Variants in CYP2A7 observed in about 807,000 individuals in gnomAD.
The protein encoded by CYP2A7 is cytochrome P450 2A7.
CYP2A7 carries 36 observed loss-of-function variants against 42.0 expected under a neutral mutation model. The ratio of observed to expected loss-of-function variants is 0.86; its 90% CI spans 0.66 to 1.13. CYP2A7 has a LOEUF of 1.13. Ranked by LOEUF, CYP2A7 falls within the 50% of genes most tolerant of loss-of-function variation. CYP2A7 has a pLI of 0.00. For synonymous variants in CYP2A7, 260 were observed against 249.5 expected (o/e 1.04, Z -0.40); for missense variants, 661 against 634.1 (o/e 1.04, Z -0.46).
intron 4 of CYP2A7, among the ~76,000 whole-genome samples, chr19:40,879,141 G>T (rs1967601957): frequency 1.3e-5 from 2 of 151,874 alleles, no homozygotes; most frequent in Admixed American, 1.3e-4. Flanking sequence ...AGTAATTTAG[G>T]TGAGAAGAAC....
At chr19:40,877,445 G>C (rs900480426) in intron 6 of CYP2A7, 68 bp from the exon 7 acceptor site, 4 of 1,577,470 alleles carry the variant, frequency 2.5e-6, no homozygotes, top group African/African-American at 2.7e-5. Flanking sequence ...AGTCTGAATA[G>C]GTAAAACGGG....
At chr19:40,881,857 G>T (rs1172403243) in intron 1 of CYP2A7, 106 bp from the exon 2 acceptor site, 7 of 1,535,152 alleles carry the variant, frequency 4.6e-6, no homozygotes, top group Middle Eastern at 1.9e-4. Flanking sequence ...GGTTCTCACA[G>T]TCAGGGAGCT....
At position 40,875,541 on chromosome 19, in the gene CYP2A7, C is replaced by G; in HGVS notation, c.*152G>C. ...AAGCACCTTATCAAGGTGAACTGAG[C>G]CGCTTCTGTTTCTTCTCTTCCCTCT... On this transcript the variant is annotated 3_prime_UTR_variant, in exon 9 of 9. Coordinates refer to ENST00000301146, the MANE Select transcript of CYP2A7 (RefSeq NM_000764.3). The G allele has an allele frequency of 9.1e-7, 1 of 1,093,756 alleles. No individual in the cohort carries two copies. Among genetic ancestry groups the G allele is most frequent in the Non-Finnish European group, 1.3e-6 (1 of 769,106 alleles). The allele number at this position is 1,093,756 out of a possible 1,614,324, so 67.8% of individuals were successfully genotyped here.
chr19:40,879,585 G>C (rs765051272), intron 4 of CYP2A7, among the ~76,000 whole-genome samples: 13 of 151,636 alleles, frequency 8.6e-5, no homozygotes, highest in African/African-American at 9.7e-5. Flanking sequence ...GGTTAGGGCA[G>C]CTGTCCATGT....
chr19:40,881,826 T>A, intron 1 of CYP2A7, 75 bp from the exon 2 acceptor site: 1 of 1,578,102 alleles, frequency 6.3e-7, no homozygotes, highest in Non-Finnish European at 8.6e-7. Context: ...AGATGTCAAG[T>A]ACTGGGATCC....
At position 40,878,754 on chromosome 19, in the gene CYP2A7, G is replaced by T. The variant is rs575296850; in HGVS notation, c.831+6C>A. 3.8e-5 allele frequency: 62 copies of T among 1,611,364 alleles called. 2 individuals are homozygous for T. The highest frequency in any genetic ancestry group is 5.3e-5 in the Non-Finnish European group (62 of 1,178,246). On this transcript the variant is annotated splice_donor_region_variant and intron_variant, in intron 5 of 8. Transcript: ENST00000301146. ...GCACCTCCCCGCACTGGCTGCTGGG[G>T]TGTACCTCCTGCATGTGGATGAGAA...
rs1463164860 is a variant in CYP2A7, at chr19:40,877,939, A to G, written c.886T>C (p.Leu296=). Residue 296 remains leucine, a synonymous_variant, in exon 6 of 9, where the codon TTG becomes CTG. Transcript: ENST00000301146. ...FYLKNLMMST[L]NLFIAGTETV... ...TCGGTGCCTGCAATGAAGAGGTTCA[A>G]CGTGCTCATCATCAGGTTCTTCAAG... 3.1e-6 allele frequency: 5 copies of G among 1,612,308 alleles called. No homozygotes were observed. The highest frequency in any genetic ancestry group is 3.3e-5 in the Admixed American group (2 of 59,762).
chr19:40,880,401 C>G, intron 3 of CYP2A7, 78 bp downstream of exon 3: 2 of 1,570,446 alleles, frequency 1.3e-6, no homozygotes, highest in South Asian at 1.2e-5. Context: ...AGTCCCCATC[C>G]GCAGGCAGAA....
At position 40,875,513 on chromosome 19, in the gene CYP2A7, C is replaced by G. The variant is rs947323167; in HGVS notation, c.*180G>C. 5.8e-6 allele frequency: 4 copies of G among 693,908 alleles called. No individual in the cohort carries two copies. The Admixed American group carries it at 8.8e-5, about 15-fold the overall frequency. 43.0% of individuals were successfully genotyped at this position (693,908 alleles called of 1,614,324 possible). A position where few individuals can be genotyped will look rare whatever the true frequency, so the allele number is the denominator to read the frequency against. ...GGTTTCCCTTCCTCTCATCCCAGCT[C>G]GGAAGCACCTTATCAAGGTGAACTG... On this transcript the variant is annotated 3_prime_UTR_variant, in exon 9 of 9. Transcript: ENST00000301146.
intron 8 of CYP2A7, among the ~76,000 whole-genome samples, 170 bp from the exon 9 acceptor site, chr19:40,876,044 A>G (rs1281276832): frequency 6.6e-6 from 1 of 151,814 alleles, no homozygotes; most frequent in Non-Finnish European, 1.5e-5. Context: ...TCTTTCTACA[A>G]GAGATGTAAC....
chr19:40,881,908 T>G lies in CYP2A7; in HGVS notation c.180+123A>C, dbSNP rs534927309. On this transcript the variant is annotated intron_variant, in intron 1 of 8. Transcript: ENST00000301146. Reference sequence around the variant, plus strand: ...CTGTCTTTCCTGGCTAGGACCCGGATGCTGAAACTCCAAAACTCCCTTTCC... The same window carrying G: ...CTGTCTTTCCTGGCTAGGACCCGGAGGCTGAAACTCCAAAACTCCCTTTCC... 132 of 1,502,498 alleles carry G rather than the reference T, an allele frequency of 8.8e-5. No individual in the cohort carries two copies. In the African/African-American group the frequency reaches 1.6e-3, roughly 18 times the overall value. 93.1% of individuals were successfully genotyped at this position (1,502,498 alleles called of 1,614,324 possible).
rs1056294372 is a variant in CYP2A7 at position 40,878,873 on chromosome 19, A to G, written c.718T>C (p.Leu240=). 5 of 1,610,694 alleles carry G rather than the reference A, an allele frequency of 3.1e-6. No individual in the cohort carries two copies. The African/African-American group carries it at 5.3e-5, about 17-fold the overall frequency. ...ATGAAGTCCTCCAGCCCTTGCAGCA[A>G]CTTAAAGGCCTGTTGCTGTGGTCCT... ...LPGPQQQAFK[L]LQGLEDFIAK... Residue 240 remains leucine, a synonymous_variant, in exon 5 of 9, where the codon TTG becomes CTG. Transcript: ENST00000301146.
intron 2 of CYP2A7, among the ~76,000 whole-genome samples, 180 bp from the exon 3 acceptor site, chr19:40,880,808 A>G (rs1412158737): frequency 0.05 from 273 of 5,448 alleles, 8 homozygotes; most frequent in Non-Finnish European, 0.078. Context: ...GGAGAGAGAG[A>G]GAGAGAGAGA....
chr19:40,881,464 G>C (rs1442040059), intron 2 of CYP2A7, 125 bp downstream of exon 2: 1 of 1,507,346 alleles, frequency 6.6e-7, no homozygotes, highest in Admixed American at 2.0e-5. Context: ...GGGAGATGGG[G>C]AGATAAGACC....
At chr19:40,880,699 G>A in intron 2 of CYP2A7, 71 bp from the exon 3 acceptor site, 1 of 1,527,466 alleles carries the variant, frequency 6.5e-7, no homozygotes, top group Admixed American at 1.9e-5. Context: ...AGTTCCAAGG[G>A]GCTCCCCAAG....
chr19:40,879,046 G>A (rs1967600357), intron 4 of CYP2A7, 110 bp from the exon 5 acceptor site: 2 of 1,459,020 alleles, frequency 1.4e-6, no homozygotes, highest in Admixed American at 2.3e-5. Flanking sequence ...AAAGGCATCT[G>A]TCTCATTGTT....
Position 40,881,765 on chromosome 19 carries a change from G to A in CYP2A7, c.181-14C>T, listed in dbSNP as rs1448815149. ...GCACTCACTGAACTGATGGAGGCGA[G>A]TGGGAGTGGTTAGAGGGAGCAGCCC... On this transcript the variant is annotated splice_polypyrimidine_tract_variant and intron_variant, in intron 1 of 8. Coordinates refer to ENST00000301146, the MANE Select transcript of CYP2A7 (RefSeq NM_000764.3). The A allele has an allele frequency of 6.3e-7, 1 of 1,596,096 alleles. No individual in the cohort carries two copies. Among genetic ancestry groups the A allele is most frequent in the South Asian group, 1.1e-5 (1 of 88,160 alleles).
chr19:40,880,672 G>A lies in CYP2A7; in HGVS notation c.344-44C>T, dbSNP rs376410828. The stretch of plus-strand genomic sequence containing the variant: ...GGGTGGAGAGAGGTCAGGGGGCGGC[G>A]GTGGCAGGAGCGGACCAGTTCCAAG... On this transcript the variant is annotated intron_variant, in intron 2 of 8. Transcript: ENST00000301146. 32 of 1,581,888 alleles carry A rather than the reference G, an allele frequency of 2.0e-5. 2 individuals carry two copies. In the African/African-American group the frequency reaches 3.9e-4, roughly 19 times the overall value.
rs186027879 is a variant in CYP2A7 at position 40,876,907 on chromosome 19, G to T, written c.1162-239C>A. ...AGGTTGTTTGGGGGACCTGAAATTT[G>T]TGTCCCTAAGACAAAAGGCCTAATG... is the stretch of plus-strand genomic sequence containing the variant. On this transcript the variant is annotated intron_variant, in intron 7 of 8. Transcript: ENST00000301146. Among the ~76,000 whole-genome samples, 764 of 151,718 alleles carry T rather than the reference G, an allele frequency of 5.0e-3. 12 individuals carry two copies. The highest frequency in any genetic ancestry group is 0.018 in the African/African-American group (732 of 41,484).
Sources: gnomAD v4.1 joint callset for allele counts (sites outside exome capture counted in the v4.1 genomes callset) on GRCh38, gnomAD v4.1.1 for gene constraint, MANE v1.5 for transcripts, NCBI Gene and HGNC (gene_info 2026-07-23, HGNC 2026-07-21) for gene names.